The following ITPKC variants were observed in gnomAD, a reference collection of about 807,000 sequenced individuals.
The protein encoded by ITPKC is IP3 3-kinase C.
ITPKC carries 33 observed loss-of-function variants against 67.1 expected under a neutral mutation model. The ratio of observed to expected loss-of-function variants is 0.49; its 90% CI spans 0.37 to 0.66. The LOEUF (loss-of-function observed/expected upper bound fraction) is 0.66. Among genes scored for constraint, ITPKC ranks in the 30% least tolerant of loss-of-function variants. The pLI, the probability that ITPKC is intolerant of heterozygous loss-of-function variation, is 0.00. For missense variants in ITPKC, 820 were observed against 892.1 expected (o/e 0.92, Z 1.03); for synonymous variants, 341 against 359.8 (o/e 0.95, Z 0.59).
Position 40,717,282 on chromosome 19 carries a change from G to T in ITPKC, c.147G>T (p.Pro49=). ...QQRPGPGAGA[P]AGRPEGGGPW... is the part of the protein sequence containing the mutation. ...GACCTGGGCCCGGCGCAGGGGCCCCGGCGGGGCGGCCGGAGGGGGGCGGGC... is the reference window on the plus strand; with the variant it reads ...GACCTGGGCCCGGCGCAGGGGCCCCTGCGGGGCGGCCGGAGGGGGGCGGGC... The change falls in exon 1 of 7, where the codon CCG becomes CCT. Residue 49 remains proline, a synonymous_variant. Transcript: ENST00000263370. 1 of 1,453,284 alleles carries T rather than the reference G, an allele frequency of 6.9e-7. No homozygotes were observed. 90.0% of individuals were successfully genotyped at this position (1,453,284 alleles called of 1,614,324 possible).
intron 5 of ITPKC, 25 bp downstream of exon 5, chr19:40,737,112 A>C: frequency 7.1e-7 from 1 of 1,406,058 alleles, no homozygotes; most frequent in Non-Finnish European, 9.9e-7. Flanking sequence ...CATGTCCCAG[A>C]ATGTAGCAGC....
At chr19:40,732,476 C>T (rs1292881435) in intron 3 of ITPKC, among the ~76,000 whole-genome samples, 3 of 139,504 alleles carry the variant, frequency 2.2e-5, no homozygotes, top group Non-Finnish European at 4.6e-5. Flanking sequence ...GTTGCAGTGA[C>T]CCGAGATCAC....
Position 40,717,685 on chromosome 19 carries a change from C to T in ITPKC, c.550C>T (p.Gln184Ter). 6.2e-7 allele frequency: 1 copy of T among 1,614,098 alleles called. No individual in the cohort carries two copies. Among genetic ancestry groups the T allele is most frequent in the Non-Finnish European group, 8.5e-7 (1 of 1,180,008 alleles). ...GCTGGAAACGCATGGGTCACAGACTCAGCCAGAGAGGGTCAAGTCCTGGGC... is the reference window on the plus strand; with the variant it reads ...GCTGGAAACGCATGGGTCACAGACTTAGCCAGAGAGGGTCAAGTCCTGGGC... ...TELETHGSQTQPERVKSWADN... is the reference protein window; with the variant it reads ...TELETHGSQT Residue 184 changes from glutamine to a stop codon, truncating the protein, a stop_gained, in exon 1 of 7, where the codon CAG becomes TAG. Coordinates refer to ENST00000263370, the MANE Select transcript of ITPKC (RefSeq NM_025194.3). LOFTEE classifies it high-confidence loss of function.
At chr19:40,729,866 C>T (rs754772377) in intron 3 of ITPKC, among the ~76,000 whole-genome samples, 2 of 152,182 alleles carry the variant, frequency 1.3e-5, no homozygotes, top group African/African-American at 4.8e-5. Context: ...GTGTTACAGT[C>T]GTCCCAGATT....
chr19:40,717,793 G>T lies in ITPKC; in HGVS notation c.658G>T (p.Asp220Tyr). ...CTGTCCCTCAAAAGAGCCAAGTGCTGATGGCTCCTGGAAAGAATTGTATAC... is the reference window on the plus strand; with the variant it reads ...CTGTCCCTCAAAAGAGCCAAGTGCTTATGGCTCCTGGAAAGAATTGTATAC... ...GACPSKEPSADGSWKELYTDG... is the reference protein window; with the variant it reads ...GACPSKEPSAYGSWKELYTDG... The change falls in exon 1 of 7, where the codon GAT becomes TAT. Residue 220 changes from aspartate to tyrosine, a missense_variant. Transcript: ENST00000263370. The T allele has an allele frequency of 1.2e-6, 2 of 1,614,028 alleles. No homozygotes were observed. The highest frequency in any genetic ancestry group is 8.5e-7 in the Non-Finnish European group (1 of 1,179,984).
intron 4 of ITPKC, among the ~76,000 whole-genome samples, chr19:40,734,885 G>A (rs552600720): frequency 2.0e-5 from 3 of 151,216 alleles, no homozygotes; most frequent in African/African-American, 4.9e-5. Context: ...GGGTTCAAGC[G>A]ATTCTTCTGC....
intron 1 of ITPKC, among the ~76,000 whole-genome samples, chr19:40,720,669 G>A (rs760001051): frequency 6.6e-6 from 1 of 151,948 alleles, no homozygotes; most frequent in Non-Finnish European, 1.5e-5. Context: ...TGGAGCCTCC[G>A]GTCTCCAGGC....
rs373495551 is a variant in ITPKC at position 40,739,341 on chromosome 19, G to A, written c.1849-16G>A. 1.2e-5 allele frequency: 19 copies of A among 1,610,036 alleles called. No homozygotes were observed. The highest frequency in any genetic ancestry group is 8.0e-5 in the African/African-American group (6 of 74,860). On this transcript the variant is annotated splice_polypyrimidine_tract_variant and intron_variant, in intron 6 of 6. Coordinates refer to ENST00000263370, the MANE Select transcript of ITPKC (RefSeq NM_025194.3). ...GTGCCTGCTCCTCCCTTAACCTCCC[G>A]TCTCTACCCCGGCAGGTGGTAGGCA...
chr19:40,733,169 G>C lies in ITPKC; in HGVS notation c.1479G>C (p.Leu493=). The change falls in exon 4 of 7, where the codon CTG becomes CTC. Residue 493 remains leucine (L), a synonymous_variant. Transcript: ENST00000263370. ...MDCKMGSRTY[L]EEELVKARER... is the part of the protein sequence containing the mutation. ...TCCTCTGTGTGCTCAGGACCTATCT[G>C]GAAGAGGAGCTAGTGAAGGCACGGG... is the stretch of plus-strand genomic sequence containing the variant. 6.2e-7 allele frequency: 1 copy of C among 1,614,138 alleles called. No homozygotes were observed. The highest frequency in any genetic ancestry group is 1.3e-5 in the African/African-American group (1 of 75,060).
chr19:40,725,319 A>C (rs749931028), intron 1 of ITPKC, 21 bp from the exon 2 acceptor site: 1 of 1,562,740 alleles, frequency 6.4e-7, no homozygotes, highest in Non-Finnish European at 8.8e-7. Context: ...CCCTGACCCC[A>C]CCCTGCTCTG....
chr19:40,723,870 C>T (rs913827235), intron 1 of ITPKC, among the ~76,000 whole-genome samples: 4 of 152,146 alleles, frequency 2.6e-5, no homozygotes, highest in East Asian at 1.9e-4. Context: ...TCTGCAGTAA[C>T]AAAGAGCCCC....
intron 1 of ITPKC, among the ~76,000 whole-genome samples, chr19:40,723,660 C>G (rs2082233230): frequency 6.6e-6 from 1 of 152,024 alleles, no homozygotes; most frequent in Non-Finnish European, 1.5e-5. Context: ...CCACGCCCGG[C>G]TAATTTTTGT....
At chr19:40,735,877 A>AG (rs2082292074) in intron 4 of ITPKC, among the ~76,000 whole-genome samples, 1 of 152,128 alleles carries the variant, frequency 6.6e-6, no homozygotes, top group Non-Finnish European at 1.5e-5. Context: ...CATCCTACAC[A>AG]CCTGGTTTCC....
chr19:40,733,142 C>T lies in ITPKC; in HGVS notation c.1470-18C>T. ...TTGTTCTACATAATTTCCTTTGTCA[C>T]ATCCTCTGTGTGCTCAGGACCTATC... On this transcript the variant is annotated intron_variant, in intron 3 of 6. Coordinates refer to ENST00000263370, the MANE Select transcript of ITPKC (RefSeq NM_025194.3). The T allele has an allele frequency of 6.2e-7, 1 of 1,610,380 alleles. No homozygotes were observed. The highest frequency in any genetic ancestry group is 8.5e-7 in the Non-Finnish European group (1 of 1,176,764).
intron 3 of ITPKC, among the ~76,000 whole-genome samples, chr19:40,732,442 A>C (rs765901624): frequency 6.7e-5 from 10 of 150,116 alleles, no homozygotes; most frequent in Non-Finnish European, 1.5e-4. Context: ...AGGCAGGAGA[A>C]TCGCTTGAAT....
chr19:40,725,565 T>TA (rs2082243063), intron 2 of ITPKC, 126 bp downstream of exon 2: 1 of 721,132 alleles, frequency 1.4e-6, no homozygotes. Context: ...ATGGGACTGT[T>TA]ATGGGCAGTG....
Position 40,717,745 on chromosome 19 carries a change from C to T in ITPKC, c.610C>T (p.Leu204Phe). 1 of 1,613,878 alleles carries T rather than the reference C, an allele frequency of 6.2e-7. No individual in the cohort carries two copies. The highest frequency in any genetic ancestry group is 8.5e-7 in the Non-Finnish European group (1 of 1,179,902). The change falls in exon 1 of 7, where the codon CTC becomes TTC. Residue 204 changes from leucine to phenylalanine, a missense_variant. Physicochemically the swap from Leu to Phe is conservative, Grantham distance 22. This residue lies in a region of ITPKC where 481 missense variants were observed against 470.1 expected (regional missense o/e 1.02). Coordinates refer to ENST00000263370, the MANE Select transcript of ITPKC (RefSeq NM_025194.3). ...CTGGACCCACCAGAACAGTTCCAGC[C>T]TCCAGACTCACCCAGAAGGAGCCTG... ...NLWTHQNSSS[L>F]QTHPEGACPS...
intron 3 of ITPKC, among the ~76,000 whole-genome samples, chr19:40,732,521 CAAAAAAAA>C (rs33945584): frequency 0.03 from 2,347 of 77,602 alleles, 31 homozygotes; most frequent in Non-Finnish European, 0.042. Context: ...GGGCGGGCGT[CAAAAAAAA>C]AAAAAAAAAA....
intron 1 of ITPKC, among the ~76,000 whole-genome samples, chr19:40,723,869 A>C (rs2082233993): frequency 6.6e-6 from 1 of 152,176 alleles, no homozygotes; most frequent in South Asian, 2.1e-4. Context: ...TTCTGCAGTA[A>C]CAAAGAGCCC....
Sources: allele counts gnomAD v4.1 joint callset (sites outside exome capture counted in the v4.1 genomes callset), GRCh38; gene constraint gnomAD v4.1.1; regional missense constraint gnomAD v4.1.1; transcripts MANE v1.5; gene names NCBI Gene and HGNC (gene_info 2026-07-23, HGNC 2026-07-21).